MTAP: variants seen among roughly 807,000 people sequenced by gnomAD.
The protein encoded by MTAP is methylthioadenosine phosphorylase.
Under a neutral mutation model 33.6 loss-of-function variants are expected in MTAP, and 33 were observed. The ratio of observed to expected loss-of-function variants is 0.98; its 90% CI spans 0.74 to 1.31. MTAP has a LOEUF of 1.31. Among genes scored for constraint, MTAP ranks in the 40% most tolerant of loss-of-function variants. The pLI, the probability that MTAP is intolerant of heterozygous loss-of-function variation, is 0.00. For missense variants in MTAP, 367 were observed against 360.0 expected, an observed-to-expected ratio of 1.02 and a Z score of -0.16; for synonymous variants, 148 against 125.7, an observed-to-expected ratio of 1.18 and a Z score of -1.19.
chr9:21,909,284 A>C (rs979854224), intron 1 of MTAP, among the ~76,000 whole-genome samples: 15 of 151,918 alleles, frequency 9.9e-5, no homozygotes, highest in African/African-American at 3.1e-4. Context: ...TTTAGCATTT[A>C]AAAAAAATAT....
At chr9:21,869,447 T>C (rs1239127554), downstream of MTAP, among the ~76,000 whole-genome samples, 3 of 152,190 alleles carry the variant, frequency 2.0e-5, no homozygotes, top group African/African-American at 7.2e-5. Context: ...TCTTCCTTCA[T>C]TGATGGTTGC....
intron 1 of MTAP, among the ~76,000 whole-genome samples, chr9:21,880,347 A>G (rs1251594687): frequency 1.3e-5 from 2 of 152,132 alleles, no homozygotes; most frequent in African/African-American, 2.4e-5. Context: ...TCTATTCATT[A>G]TAGATAATCC....
intron 4 of MTAP, among the ~76,000 whole-genome samples, chr9:21,832,091 T>G (rs969650311): frequency 6.6e-6 from 1 of 152,210 alleles, no homozygotes; most frequent in Admixed American, 6.5e-5. Context: ...CCTCCCCTCT[T>G]CAGATTATTT....
At chr9:21,930,383 C>A (rs911224990) in intron 1 of MTAP, 77 of 203,314 alleles carry the variant, frequency 3.8e-4, no homozygotes, top group African/African-American at 1.8e-3. Context: ...CCAATGCCTC[C>A]TCATTAAATG....
chr9:21,828,543 T>C lies in MTAP; in HGVS notation c.348-9365T>C, dbSNP rs145366965. Among the ~76,000 whole-genome samples the C allele has an allele frequency of 3.0e-4, 45 of 152,158 alleles. No homozygotes were observed. The East Asian group carries it at 7.3e-3, about 25-fold the overall frequency. On this transcript the variant is annotated intron_variant, in intron 4 of 7. Transcript: ENST00000644715. ...ACAAAAAAAAAGTAGCCAGGTGTGGTGAGCACCTGTAATCCCAGCTACTCG... is the reference window on the plus strand; with the variant it reads ...ACAAAAAAAAAGTAGCCAGGTGTGGCGAGCACCTGTAATCCCAGCTACTCG...
chr9:21,889,233 C>T (rs981295228), intron 1 of MTAP, among the ~76,000 whole-genome samples: 1 of 152,028 alleles, frequency 6.6e-6, no homozygotes, highest in Admixed American at 6.6e-5. Context: ...TGTCCTCAAG[C>T]TCTGCAGTTC....
At chr9:21,880,898 CA>C (rs537929429) in intron 1 of MTAP, among the ~76,000 whole-genome samples, 56 of 151,916 alleles carry the variant, frequency 3.7e-4, no homozygotes, top group African/African-American at 1.3e-3. Flanking sequence ...TTTGCAGAAA[CA>C]TAAAAATTCA....
At chr9:21,813,375 C>A (rs139538828) in intron 1 of MTAP, among the ~76,000 whole-genome samples, 1 of 152,206 alleles carries the variant, frequency 6.6e-6, no homozygotes, top group East Asian at 1.9e-4. Flanking sequence ...TCCAGGGCTA[C>A]TACATGTTCC....
At chr9:21,839,877 A>G (rs1825199987) in intron 5 of MTAP, among the ~76,000 whole-genome samples, 1 of 152,212 alleles carries the variant, frequency 6.6e-6, no homozygotes, top group East Asian at 1.9e-4. Context: ...CAAATAAAAT[A>G]TTTTTGGAAA....
rs994233230 is a variant in MTAP at position 21,865,635 on chromosome 9, AAAG to A, written c.*3625_*3627del. The A allele has an allele frequency of 1.3e-5, 13 of 990,814 alleles. No homozygotes were observed. Among genetic ancestry groups the A allele is most frequent in the Non-Finnish European group, 1.6e-5 (13 of 832,696 alleles). The allele number at this position is 990,814 out of a possible 1,614,324, so 61.4% of individuals were successfully genotyped here. A position where few individuals can be genotyped will look rare whatever the true frequency, so the allele number is the denominator to read the frequency against. On this transcript the variant is annotated 3_prime_UTR_variant, in exon 8 of 8. Transcript: ENST00000644715. ...AGCAGTAAATGAAGACCATGGAAGA[AAAG>A]AAGGAATGCCAAAGATCGAGGAAAT...
intron 4 of MTAP, among the ~76,000 whole-genome samples, chr9:21,837,678 A>C (rs1274254690): frequency 6.6e-6 from 1 of 152,182 alleles, no homozygotes; most frequent in South Asian, 2.1e-4. Context: ...GCCAGACCAC[A>C]GACACTTTAA....
At chr9:21,811,368 C>T (rs1176989932) in intron 1 of MTAP, among the ~76,000 whole-genome samples, 1 of 152,140 alleles carries the variant, frequency 6.6e-6, no homozygotes, top group Non-Finnish European at 1.5e-5. Context: ...CTGTTCTGAC[C>T]AGGTGAACTG....
intron 1 of MTAP, among the ~76,000 whole-genome samples, chr9:21,897,935 G>A (rs1285117717): frequency 6.6e-6 from 1 of 152,088 alleles, no homozygotes; most frequent in East Asian, 1.9e-4. Flanking sequence ...TCAATCCTAA[G>A]CCAAAAGAAC....
intron 1 of MTAP, chr9:21,812,189 G>A (rs575256259): frequency 1.5e-5 from 3 of 199,576 alleles, no homozygotes; most frequent in South Asian, 9.2e-5. Context: ...CCATGTTTGC[G>A]GCCAGCTTCT....
chr9:21,867,368 C>G (rs1825869968), downstream of MTAP, among the ~76,000 whole-genome samples: 1 of 152,022 alleles, frequency 6.6e-6, no homozygotes, highest in Non-Finnish European at 1.5e-5. Flanking sequence ...TCCTATTTTG[C>G]CAAGAGTGTC....
At position 21,834,642 on chromosome 9, in the gene MTAP, T is replaced by C. The variant is rs117295900; in HGVS notation, c.348-3266T>C. On this transcript the variant is annotated intron_variant, in intron 4 of 7. Coordinates refer to ENST00000644715, the MANE Select transcript of MTAP (RefSeq NM_002451.4). ...GTCCTCACCTCTCATCATGCTGACATTGACTCTTCTGCCTCCGTCTTCCAC... is the reference window on the plus strand; with the variant it reads ...GTCCTCACCTCTCATCATGCTGACACTGACTCTTCTGCCTCCGTCTTCCAC... Among the ~76,000 whole-genome samples, 949 of 152,318 alleles carry C rather than the reference T, an allele frequency of 6.2e-3. 21 individuals are homozygous for C. Among genetic ancestry groups the C allele is most frequent in the East Asian group, 0.054 (281 of 5,162 alleles).
chr9:21,888,437 C>G (rs1212705628), intron 1 of MTAP, among the ~76,000 whole-genome samples: 1 of 152,002 alleles, frequency 6.6e-6, no homozygotes, highest in Non-Finnish European at 1.5e-5. Context: ...CCCACTGTTA[C>G]TGTGTTGTTG....
intron 1 of MTAP, among the ~76,000 whole-genome samples, chr9:21,805,620 T>C (rs1824189318): frequency 6.6e-6 from 1 of 152,150 alleles, no homozygotes; most frequent in Non-Finnish European, 1.5e-5. Flanking sequence ...TGGGCGTGAT[T>C]GGGGTCATAA....
intron 1 of MTAP, among the ~76,000 whole-genome samples, chr9:21,808,455 G>T (rs1215455596): frequency 1.3e-5 from 2 of 151,752 alleles, no homozygotes; most frequent in Non-Finnish European, 2.9e-5. Flanking sequence ...GCCAGGCGTG[G>T]CGGTGCACGC....
Sources: gnomAD v4.1 joint callset for allele counts (sites outside exome capture counted in the v4.1 genomes callset) on GRCh38, gnomAD v4.1.1 for gene constraint, MANE v1.5 for transcripts, NCBI Gene and HGNC (gene_info 2026-07-23, HGNC 2026-07-21) for gene names.